CHN1: variants seen among roughly 807,000 people sequenced by gnomAD.
CHN1 encodes the protein N-chimaerin.
CHN1 carries 37 observed loss-of-function variants against 59.5 expected under a neutral mutation model. That is an observed-to-expected ratio of 0.62 (90% CI 0.48 to 0.82). The LOEUF is 0.82. Among genes scored for constraint, CHN1 ranks in the 40% least tolerant of loss-of-function variants. The pLI is 0.00. For synonymous variants in CHN1, 206 were observed against 200.4 expected, an observed-to-expected ratio of 1.03 and a Z score of -0.24; for missense variants, 469 against 571.0, an observed-to-expected ratio of 0.82 and a Z score of 1.82.
intron 1 of CHN1, among the ~76,000 whole-genome samples, chr2:174,974,892 AATT>A (rs1690871377): frequency 1.7e-5 from 1 of 60,400 alleles, no homozygotes; most frequent in Non-Finnish European, 3.8e-5. Context: ...CATAAGAAAT[AATT>A]AATACACACA....
At chr2:174,835,123 T>C (rs1229665476) in intron 7 of CHN1, among the ~76,000 whole-genome samples, 1 of 152,176 alleles carries the variant, frequency 6.6e-6, no homozygotes, top group Non-Finnish European at 1.5e-5. Context: ...ATATTTTCAA[T>C]TTATGATGAA....
At chr2:174,973,369 C>G (rs1436414819) in intron 1 of CHN1, among the ~76,000 whole-genome samples, 2 of 152,228 alleles carry the variant, frequency 1.3e-5, no homozygotes, top group Non-Finnish European at 2.9e-5. Context: ...ATCAGTAGAC[C>G]AACTCAGGCT....
intron 5 of CHN1, among the ~76,000 whole-genome samples, chr2:174,884,109 C>T (rs1361030340): frequency 3.3e-5 from 5 of 151,676 alleles, no homozygotes; most frequent in Non-Finnish European, 7.4e-5. Flanking sequence ...CTGGGAGCTA[C>T]AGGCACCCGC....
At chr2:174,967,522 A>AT (rs1030169915) in intron 1 of CHN1, among the ~76,000 whole-genome samples, 7 of 151,948 alleles carry the variant, frequency 4.6e-5, no homozygotes, top group African/African-American at 1.7e-4. Context: ...CAATGTTTCC[A>AT]TTTTTTCCAA....
intron 1 of CHN1, among the ~76,000 whole-genome samples, chr2:174,982,647 C>T (rs928449614): frequency 6.6e-6 from 1 of 152,070 alleles, no homozygotes; most frequent in African/African-American, 2.4e-5. Flanking sequence ...CCCAGTAATC[C>T]TTAACCCCAC....
rs545485181 is a variant in CHN1, at chr2:174,836,213, T to C, written c.627+10667A>G. Among the ~76,000 whole-genome samples, 33 of 152,302 alleles carry C rather than the reference T, an allele frequency of 2.2e-4. 1 individual carries two copies. The South Asian group carries it at 6.2e-3, about 29-fold the overall frequency. Reference sequence around the variant, plus strand: ...GCAGTAAGAGTGATCTTAAGAATCATTTTGTTTGTGTTCCTTCTTTCAGTT... The same window carrying C: ...GCAGTAAGAGTGATCTTAAGAATCACTTTGTTTGTGTTCCTTCTTTCAGTT... On this transcript the variant is annotated intron_variant, in intron 7 of 12. Transcript: ENST00000409900.
chr2:174,920,735 G>T (rs1242303590), intron 3 of CHN1, among the ~76,000 whole-genome samples: 1 of 152,180 alleles, frequency 6.6e-6, no homozygotes, highest in Non-Finnish European at 1.5e-5. Flanking sequence ...TGGCACCAGG[G>T]ACTGGTTTTG....
At chr2:174,940,027 T>TTTTA (rs1193094790) in intron 3 of CHN1, among the ~76,000 whole-genome samples, 2 of 152,068 alleles carry the variant, frequency 1.3e-5, no homozygotes, top group East Asian at 1.9e-4. Context: ...TTTTATTTTA[T>TTTTA]TTTATTTATT....
At chr2:174,928,625 G>A (rs1185233743) in intron 3 of CHN1, among the ~76,000 whole-genome samples, 1 of 152,114 alleles carries the variant, frequency 6.6e-6, no homozygotes, top group Non-Finnish European at 1.5e-5. Flanking sequence ...GTATATGACT[G>A]AACCTTCGCT....
chr2:174,845,692 A>T (rs538016778), intron 7 of CHN1, among the ~76,000 whole-genome samples: 1 of 144,878 alleles, frequency 6.9e-6, no homozygotes, highest in African/African-American at 2.5e-5. Context: ...AAGAAACATA[A>T]TTTTATTAGG....
chr2:174,842,123 TCCCCCG>T (rs986955025), intron 7 of CHN1, among the ~76,000 whole-genome samples: 28 of 152,070 alleles, frequency 1.8e-4, no homozygotes, highest in African/African-American at 6.8e-4. Flanking sequence ...CAACCAAAGG[TCCCCCG>T]CATGTCACAC....
At chr2:174,989,042 A>T (rs1350313591) in intron 1 of CHN1, among the ~76,000 whole-genome samples, 1 of 152,240 alleles carries the variant, frequency 6.6e-6, no homozygotes, top group African/African-American at 2.4e-5. Flanking sequence ...TGAACTATGT[A>T]GTTTAACTGT....
At chr2:174,937,167 A>G (rs1689522154) in intron 3 of CHN1, among the ~76,000 whole-genome samples, 1 of 152,240 alleles carries the variant, frequency 6.6e-6, no homozygotes, top group South Asian at 2.1e-4. Flanking sequence ...ATAAGGTGAT[A>G]CACATTTGGT....
intron 6 of CHN1, among the ~76,000 whole-genome samples, chr2:174,856,997 T>C (rs1212241700): frequency 6.6e-6 from 1 of 152,086 alleles, no homozygotes; most frequent in Non-Finnish European, 1.5e-5. Context: ...ACCAAGCTCA[T>C]GAAACTCATA....
chr2:175,004,765 T>G (rs1262408843), intron 1 of CHN1, 129 bp downstream of exon 1: 7 of 317,706 alleles, frequency 2.2e-5, no homozygotes, highest in Non-Finnish European at 3.2e-5. Context: ...GCCCCAACTC[T>G]GCGGCCCCGG....
intron 2 of CHN1, among the ~76,000 whole-genome samples, chr2:174,950,402 G>A (rs576102234): frequency 2.6e-5 from 4 of 152,020 alleles, no homozygotes; most frequent in Middle Eastern, 3.4e-3. Context: ...AAGTAGCTGG[G>A]ATTACAGGCA....
intron 9 of CHN1, 81 bp downstream of exon 9, chr2:174,812,228 G>A: frequency 8.4e-7 from 1 of 1,189,208 alleles, no homozygotes; most frequent in Non-Finnish European, 1.2e-6. Context: ...ACCGTATTGT[G>A]CAATGAGGTA....
intron 8 of CHN1, among the ~76,000 whole-genome samples, chr2:174,823,482 T>C (rs958455715): frequency 6.6e-6 from 1 of 152,036 alleles, no homozygotes; most frequent in Non-Finnish European, 1.5e-5. Context: ...GCTAACATGG[T>C]GAAACCCCGT....
At chr2:174,886,905 G>T (rs1202994314) in intron 5 of CHN1, among the ~76,000 whole-genome samples, 1 of 152,152 alleles carries the variant, frequency 6.6e-6, no homozygotes, top group Non-Finnish European at 1.5e-5. Flanking sequence ...ACAATTCAAT[G>T]AGTTTTGGCA....
Sources: gnomAD v4.1 joint callset for allele counts (sites outside exome capture counted in the v4.1 genomes callset) on GRCh38, gnomAD v4.1.1 for gene constraint, MANE v1.5 for transcripts, NCBI Gene and HGNC (gene_info 2026-07-23, HGNC 2026-07-21) for gene names.